CNTN5: variants seen among roughly 807,000 people sequenced by gnomAD.
CNTN5 encodes contactin-5.
Under a neutral mutation model 129.1 loss-of-function variants are expected in CNTN5, and 77 were observed. That is an observed-to-expected ratio of 0.60 (90% CI 0.50 to 0.72). The LOEUF is 0.72. CNTN5 is among the 30% of genes least tolerant of loss of function. The pLI, the probability that CNTN5 is intolerant of heterozygous loss-of-function variation, is 0.00. For missense variants in CNTN5, 1,478 were observed against 1,328.8 expected, an observed-to-expected ratio of 1.11 and a Z score of -1.75; for synonymous variants, 509 against 465.6, an observed-to-expected ratio of 1.09 and a Z score of -1.20.
At chr11:99,798,073 A>G (rs927824147) in intron 3 of CNTN5, among the ~76,000 whole-genome samples, 2 of 152,080 alleles carry the variant, frequency 1.3e-5, no homozygotes, top group African/African-American at 4.8e-5. Context: ...TAAGCTTAGT[A>G]CACATTAGTT....
chr11:99,664,553 A>C (rs921326061), intron 3 of CNTN5, among the ~76,000 whole-genome samples: 23 of 152,300 alleles, frequency 1.5e-4, no homozygotes, highest in African/African-American at 5.5e-4. Flanking sequence ...ATTTTTCGCT[A>C]TAGCCATCGT....
At chr11:99,860,680 A>G (rs2135764485) in intron 6 of CNTN5, among the ~76,000 whole-genome samples, 1 of 152,266 alleles carries the variant, frequency 6.6e-6, no homozygotes. Flanking sequence ...TACCAGTACC[A>G]TGCTGTTTGG....
At chr11:100,285,919 C>A (rs998176727) in intron 18 of CNTN5, among the ~76,000 whole-genome samples, 2 of 152,240 alleles carry the variant, frequency 1.3e-5, no homozygotes, top group East Asian at 3.9e-4. Context: ...CGAGCCGAAG[C>A]AGGGCGAGGC....
chr11:100,063,656 G>A (rs1943571908), intron 10 of CNTN5, among the ~76,000 whole-genome samples: 1 of 139,498 alleles, frequency 7.2e-6, no homozygotes, highest in Non-Finnish European at 1.5e-5. Context: ...TAGTGGCTCA[G>A]ACCTGAAAAT....
rs756520367 is a variant in CNTN5, at chr11:99,845,101, G to T, written c.416G>T (p.Gly139Val). 6.2e-7 allele frequency: 1 copy of T among 1,613,444 alleles called. No individual in the cohort carries two copies. ...TTTTTCCTAAGATGGCTTCGAAATG[G>T]AACAGAAATAGATCTGGAAAGTGAT... ...PVPSYRWLRN[G>V]TEIDLESDYR... The change falls in exon 6 of 25, where the codon GGA becomes GTA. Residue 139 changes from glycine (G) to valine (V), a missense_variant. Coordinates refer to ENST00000524871, the MANE Select transcript of CNTN5 (RefSeq NM_014361.4).
intron 15 of CNTN5, among the ~76,000 whole-genome samples, chr11:100,194,754 A>C (rs944093166): frequency 6.6e-6 from 1 of 152,036 alleles, no homozygotes; most frequent in South Asian, 2.1e-4. Context: ...GTTACACCAG[A>C]TAATTTCTAA....
At chr11:99,400,787 T>C (rs143968183) in intron 2 of CNTN5, among the ~76,000 whole-genome samples, 2,082 of 152,274 alleles carry the variant, frequency 0.014, 27 homozygotes, top group Middle Eastern at 0.031. Flanking sequence ...TGGGGTGAGA[T>C]GATATCTGAT....
intron 3 of CNTN5, among the ~76,000 whole-genome samples, chr11:99,705,176 T>C (rs1350603477): frequency 6.6e-6 from 1 of 151,374 alleles, no homozygotes; most frequent in Admixed American, 6.6e-5. Context: ...TCTGTCCTCT[T>C]TTCTAGAAGA....
chr11:100,047,784 C>T (rs1449626018), intron 9 of CNTN5, among the ~76,000 whole-genome samples: 3 of 152,078 alleles, frequency 2.0e-5, no homozygotes, highest in Non-Finnish European at 2.9e-5. Flanking sequence ...GATTTACCCT[C>T]ATCAGTGTGA....
intron 1 of CNTN5, among the ~76,000 whole-genome samples, chr11:99,070,724 C>CTT (rs10711828): frequency 6.7e-6 from 1 of 148,336 alleles, no homozygotes; most frequent in African/African-American, 2.5e-5. Context: ...TTTAAAATAA[C>CTT]TTTTTTTTTT....
At chr11:99,966,143 G>T (rs1294908908) in intron 8 of CNTN5, among the ~76,000 whole-genome samples, 1 of 152,050 alleles carries the variant, frequency 6.6e-6, no homozygotes, top group Non-Finnish European at 1.5e-5. Flanking sequence ...ATCATTTCAA[G>T]AACATTGTGT....
intron 23 of CNTN5, among the ~76,000 whole-genome samples, chr11:100,348,642 T>A (rs1952338096): frequency 6.6e-6 from 1 of 151,936 alleles, no homozygotes; most frequent in African/African-American, 2.4e-5. Context: ...TCCCATAAAT[T>A]TGCTTTCTAA....
rs79960052 is a variant in CNTN5 at position 99,636,552 on chromosome 11, G to A, written c.55+80283G>A. The stretch of plus-strand genomic sequence containing the variant: ...TGGGTTGATGCTATCAGTGACAGGA[G>A]TAGAAGATTGAAGGGCAAAAGAAAT... On this transcript the variant is annotated intron_variant, in intron 3 of 24. Transcript: ENST00000524871. Among the ~76,000 whole-genome samples the A allele has an allele frequency of 6.9e-3, 1,048 of 151,982 alleles. 70 individuals are homozygous for A. In the East Asian group the frequency reaches 0.17, roughly 24 times the overall value.
intron 1 of CNTN5, among the ~76,000 whole-genome samples, chr11:99,151,289 C>G (rs1860043490): frequency 6.6e-6 from 1 of 151,810 alleles, no homozygotes; most frequent in African/African-American, 2.4e-5. Flanking sequence ...TTTGTGTGTG[C>G]ATGCACTCTT....
intron 1 of CNTN5, among the ~76,000 whole-genome samples, chr11:99,184,246 G>T (rs1858227900): frequency 6.6e-6 from 1 of 151,878 alleles, no homozygotes; most frequent in African/African-American, 2.4e-5. Flanking sequence ...CTGTGCTCTT[G>T]GCATCTCCCC....
chr11:99,069,298 A>C (rs180960633), intron 1 of CNTN5, among the ~76,000 whole-genome samples: 2 of 152,166 alleles, frequency 1.3e-5, no homozygotes, highest in South Asian at 2.1e-4. Flanking sequence ...AGGCCAGGCG[A>C]GGGTAATGGG....
intron 3 of CNTN5, among the ~76,000 whole-genome samples, chr11:99,635,417 A>G (rs1951513909): frequency 6.6e-6 from 1 of 152,170 alleles, no homozygotes; most frequent in African/African-American, 2.4e-5. Context: ...CATATTTTTA[A>G]ACAGCCTGGA....
intron 6 of CNTN5, among the ~76,000 whole-genome samples, chr11:99,897,570 A>G (rs967748319): frequency 6.6e-6 from 1 of 152,182 alleles, no homozygotes. Context: ...TGAAGGAGAA[A>G]TACTCTTTCC....
chr11:99,958,031 C>T (rs1230146252), intron 8 of CNTN5, among the ~76,000 whole-genome samples: 1 of 151,224 alleles, frequency 6.6e-6, no homozygotes, highest in Admixed American at 6.6e-5. Flanking sequence ...GTAACAACAC[C>T]ATCAGGTAAA....
Sources: allele counts gnomAD v4.1 joint callset (sites outside exome capture counted in the v4.1 genomes callset), GRCh38; gene constraint gnomAD v4.1.1; transcripts MANE v1.5; gene names NCBI Gene and HGNC (gene_info 2026-07-23, HGNC 2026-07-21).